BCAR3: variants seen among roughly 807,000 people sequenced by gnomAD.
BCAR3 encodes the protein BCAR3 adaptor protein, NSP family member.
BCAR3 carries 37 observed loss-of-function variants against 80.1 expected under a neutral mutation model. The observed-to-expected ratio is 0.46, with a 90% CI of 0.36 to 0.61. The LOEUF (loss-of-function observed/expected upper bound fraction) is 0.61. BCAR3 is among the 20% of genes least tolerant of loss of function. The pLI is 0.00. For synonymous variants in BCAR3, 389 were observed against 418.9 expected (o/e 0.93, Z 0.87); for missense variants, 978 against 1,068.2 (o/e 0.92, Z 1.18).
At position 93,765,672 on chromosome 1, in the gene BCAR3, AT is replaced by A. The variant is rs532790056; in HGVS notation, c.-62-59531del. 4.8e-3 allele frequency among the ~76,000 whole-genome samples: 670 copies of A among 140,460 alleles called. 1 individual carries two copies. Among genetic ancestry groups the A allele is most frequent in the African/African-American group, 8.8e-3 (336 of 38,324 alleles). The allele number at this position is 140,460 out of a possible 152,430, so 92.1% of individuals were successfully genotyped here. On this transcript the variant is annotated intron_variant, in intron 2 of 13. Coordinates refer to the BCAR3 transcript ENST00000370244. ...TAACATAAGGTCTACCTTCTTAGCAATTTTTTTTTTTTTTTAGAGAGAGTCT... is the reference window on the plus strand; with the variant it reads ...TAACATAAGGTCTACCTTCTTAGCAATTTTTTTTTTTTTTAGAGAGAGTCT...
intron 2 of BCAR3, among the ~76,000 whole-genome samples, chr1:93,839,703 T>C (rs1465743907): frequency 1.3e-5 from 2 of 152,224 alleles, no homozygotes; most frequent in African/African-American, 2.4e-5. Context: ...TAGTTTCCTC[T>C]GAAGTAATTT....
intron 3 of BCAR3, among the ~76,000 whole-genome samples, chr1:93,613,526 G>C (rs969280193): frequency 1.3e-5 from 2 of 152,186 alleles, no homozygotes; most frequent in African/African-American, 4.8e-5. Context: ...TGAAGGAAGA[G>C]AGACAAAGAG....
rs980085252 is a variant in BCAR3, at chr1:93,579,616, G to A, written c.1686+2685C>T. On this transcript the variant is annotated intron_variant, in intron 7 of 11. Transcript: ENST00000260502. ...TCTAGTTTCATGGCTACCAAAGGTA[G>A]TGGGCAGGTCCCAGGCCTCCTGCCA... 3.9e-5 allele frequency among the ~76,000 whole-genome samples: 6 copies of A among 152,272 alleles called. No homozygotes were observed. In the East Asian group the frequency reaches 9.7e-4, roughly 25 times the overall value.
chr1:93,666,610 G>A lies in BCAR3; in HGVS notation c.317+8004C>T, dbSNP rs1412167598. 3.3e-5 allele frequency among the ~76,000 whole-genome samples: 5 copies of A among 152,246 alleles called. No homozygotes were observed. The East Asian group carries it at 9.7e-4, about 29-fold the overall frequency. ...TACCTGGCATCTAGCACAATGCCTG[G>A]CATAAAACAAGCTAATAAATACGCA... On this transcript the variant is annotated intron_variant, in intron 2 of 11. Coordinates refer to ENST00000260502, the MANE Select transcript of BCAR3 (RefSeq NM_003567.4).
intron 2 of BCAR3, among the ~76,000 whole-genome samples, chr1:93,668,513 C>A (rs568654751): frequency 1.3e-5 from 2 of 152,134 alleles, no homozygotes; most frequent in South Asian, 4.1e-4. Context: ...AAACCATTCG[C>A]AACAGCTGCG....
chr1:93,657,859 TCAGCAAGTGTCA>T (rs1184734873), intron 2 of BCAR3, among the ~76,000 whole-genome samples: 4 of 151,858 alleles, frequency 2.6e-5, no homozygotes, highest in African/African-American at 9.7e-5. Context: ...GCCAAAAACC[TCAGCAAGTGTCA>T]TTCTAGATGG....
At chr1:93,605,566 A>C (rs1291586098) in intron 3 of BCAR3, 1 of 152,266 alleles carries the variant, frequency 6.6e-6, no homozygotes, top group Admixed American at 6.5e-5. Context: ...AAAGAGTTTG[A>C]AAACCGGCTG....
At chr1:93,784,623 G>A (rs749854281) in intron 2 of BCAR3, among the ~76,000 whole-genome samples, 2 of 152,204 alleles carry the variant, frequency 1.3e-5, no homozygotes, top group Non-Finnish European at 2.9e-5. Flanking sequence ...TCTCTAGTGG[G>A]CTTGATGAAG....
At chr1:93,726,250 T>A (rs932084999) in intron 2 of BCAR3, among the ~76,000 whole-genome samples, 3 of 152,026 alleles carry the variant, frequency 2.0e-5, no homozygotes, top group Non-Finnish European at 2.9e-5. Flanking sequence ...TATTTTTTTT[T>A]GAGAGAGAGA....
intron 2 of BCAR3, among the ~76,000 whole-genome samples, chr1:93,754,719 A>G (rs566146931): frequency 1.3e-5 from 2 of 152,376 alleles, no homozygotes; most frequent in Admixed American, 1.3e-4. Context: ...TTGCACTGCC[A>G]GTCATAGAGA....
intron 2 of BCAR3, among the ~76,000 whole-genome samples, chr1:93,802,357 GC>G (rs1026896218): frequency 2.6e-5 from 4 of 151,932 alleles, no homozygotes; most frequent in Non-Finnish European, 5.9e-5. Flanking sequence ...TTTCCAGTCA[GC>G]CTTTGACACC....
chr1:93,641,112 A>G (rs1184463381), intron 3 of BCAR3, among the ~76,000 whole-genome samples: 2 of 152,198 alleles, frequency 1.3e-5, no homozygotes, highest in Non-Finnish European at 2.9e-5. Context: ...AGGATTATAC[A>G]TTTTCTCCCA....
chr1:93,738,578 A>G (rs1651072062), intron 2 of BCAR3, among the ~76,000 whole-genome samples: 1 of 152,200 alleles, frequency 6.6e-6, no homozygotes, highest in Non-Finnish European at 1.5e-5. Context: ...TGGCACTGGC[A>G]TCTTCCATGG....
At chr1:93,676,067 C>A (rs1291799359) in intron 1 of BCAR3, among the ~76,000 whole-genome samples, 1 of 152,058 alleles carries the variant, frequency 6.6e-6, no homozygotes, top group East Asian at 1.9e-4. Context: ...TTCCCACGGG[C>A]TGGTGAGGAG....
chr1:93,643,545 CAA>C (rs547667389), intron 2 of BCAR3, among the ~76,000 whole-genome samples: 7 of 22,306 alleles, frequency 3.1e-4, no homozygotes, highest in Admixed American at 8.0e-4. Context: ...GACTCTTTCT[CAA>C]AAAAAAAAAA....
At chr1:93,603,020 TAAATG>T (rs1411213312) in intron 3 of BCAR3, among the ~76,000 whole-genome samples, 1 of 152,258 alleles carries the variant, frequency 6.6e-6, no homozygotes, top group African/African-American at 2.4e-5. Context: ...AATCCAAAGA[TAAATG>T]AAGAAAGGTT....
chr1:93,701,630 G>A (rs1649645927), intron 3 of BCAR3, among the ~76,000 whole-genome samples: 1 of 152,226 alleles, frequency 6.6e-6, no homozygotes, highest in Non-Finnish European at 1.5e-5. Context: ...TGAGGGGCTG[G>A]GCAGGCCCAC....
At chr1:93,689,794 G>A (rs190857412) in intron 3 of BCAR3, among the ~76,000 whole-genome samples, 7 of 152,238 alleles carry the variant, frequency 4.6e-5, no homozygotes, top group African/African-American at 1.4e-4. Context: ...TTGTTCTAGC[G>A]CAGGAGGAAT....
intron 2 of BCAR3, among the ~76,000 whole-genome samples, chr1:93,826,391 T>A (rs1379825773): frequency 2.0e-5 from 3 of 152,168 alleles, no homozygotes; most frequent in Non-Finnish European, 4.4e-5. Flanking sequence ...TTGCCACCCA[T>A]CCCTTCCCCA....
Sources: allele counts gnomAD v4.1 joint callset (sites outside exome capture counted in the v4.1 genomes callset), GRCh38; gene constraint gnomAD v4.1.1; transcripts MANE v1.5; gene names NCBI Gene and HGNC (gene_info 2026-07-23, HGNC 2026-07-21).